The following MARCHF1 variants were observed in gnomAD, a reference collection of about 807,000 sequenced individuals.
MARCHF1 encodes membrane associated ring-CH-type finger 1.
Under a neutral mutation model 54.2 loss-of-function variants are expected in MARCHF1, and 40 were observed. That is an observed-to-expected ratio of 0.74 (90% CI 0.57 to 0.96). The LOEUF (loss-of-function observed/expected upper bound fraction) is 0.96. Among genes scored for constraint, MARCHF1 ranks in the 40% least tolerant of loss-of-function variants. MARCHF1 has a pLI of 0.00. For synonymous variants in MARCHF1, 236 were observed against 236.3 expected, an observed-to-expected ratio of 1.00 and a Z score of 0.01; for missense variants, 586 against 656.5, an observed-to-expected ratio of 0.89 and a Z score of 1.17.
intron 1 of MARCHF1, among the ~76,000 whole-genome samples, chr4:164,344,649 C>T (rs1357591168): frequency 6.6e-6 from 1 of 152,108 alleles, no homozygotes; most frequent in Non-Finnish European, 1.5e-5. Context: ...TCTAGAAAGG[C>T]AACTATCCTT....
At chr4:164,365,985 G>T (rs114231457) in intron 1 of MARCHF1, among the ~76,000 whole-genome samples, 3 of 151,652 alleles carry the variant, frequency 2.0e-5, no homozygotes, top group South Asian at 4.2e-4. Context: ...CCTCTGAAAC[G>T]CACACATTGC....
In MARCHF1 at chr4:163,859,657, G is replaced by A. The variant is rs150891415; in HGVS notation, c.-38-5488C>T. ...ATTATAGGCATAAGCCACTGTGCCCGGGCGAGAAAAGCTTTTTGAAAAGAG... is the reference window on the plus strand; with the variant it reads ...ATTATAGGCATAAGCCACTGTGCCCAGGCGAGAAAAGCTTTTTGAAAAGAG... On this transcript the variant is annotated intron_variant, in intron 3 of 9. Coordinates refer to ENST00000514618, the MANE Select transcript of MARCHF1 (RefSeq NM_001394959.1). 7.8e-3 allele frequency among the ~76,000 whole-genome samples: 1,183 copies of A among 152,104 alleles called. 15 individuals are homozygous for A. Among genetic ancestry groups the A allele is most frequent in the Non-Finnish European group, 0.012 (847 of 67,970 alleles).
At chr4:163,952,506 G>T (rs1007278047) in intron 3 of MARCHF1, among the ~76,000 whole-genome samples, 10 of 152,136 alleles carry the variant, frequency 6.6e-5, no homozygotes, top group Admixed American at 3.3e-4. Context: ...AGAGAAAATT[G>T]TGGATTGCGT....
chr4:164,204,947 C>T (rs1352717261), intron 1 of MARCHF1, among the ~76,000 whole-genome samples: 2 of 152,136 alleles, frequency 1.3e-5, no homozygotes, highest in African/African-American at 4.8e-5. Context: ...AACCTAATTT[C>T]TTTTAGTATA....
At chr4:163,911,890 A>G (rs182256679) in intron 3 of MARCHF1, among the ~76,000 whole-genome samples, 2 of 152,262 alleles carry the variant, frequency 1.3e-5, no homozygotes, top group African/African-American at 4.8e-5. Flanking sequence ...AGCCCCCAGA[A>G]CTATAAGAAA....
intron 1 of MARCHF1, among the ~76,000 whole-genome samples, chr4:164,113,572 T>C (rs544702415): frequency 6.6e-6 from 1 of 152,152 alleles, no homozygotes; most frequent in Admixed American, 6.6e-5. Context: ...CTTACATATT[T>C]GGGCATTTGG....
intron 5 of MARCHF1, among the ~76,000 whole-genome samples, chr4:163,627,690 C>A (rs1345339449): frequency 1.4e-5 from 2 of 147,152 alleles, no homozygotes; most frequent in East Asian, 4.0e-4. Flanking sequence ...GAAAAAAAAA[C>A]CCTAAAAATT....
chr4:164,228,489 C>T (rs566297266), intron 1 of MARCHF1, among the ~76,000 whole-genome samples: 1 of 152,188 alleles, frequency 6.6e-6, no homozygotes, highest in African/African-American at 2.4e-5. Flanking sequence ...CTTTGGTGTA[C>T]CATGGAGGTT....
chr4:163,539,954 G>T (rs759385293), intron 9 of MARCHF1, among the ~76,000 whole-genome samples: 7 of 152,044 alleles, frequency 4.6e-5, no homozygotes, highest in Non-Finnish European at 8.8e-5. Context: ...TAATAGAATG[G>T]GGTCCTGGTT....
chr4:163,762,982 T>C (rs1746870453), intron 4 of MARCHF1, among the ~76,000 whole-genome samples: 1 of 152,134 alleles, frequency 6.6e-6, no homozygotes, highest in Non-Finnish European at 1.5e-5. Flanking sequence ...ATACAAGTGG[T>C]GTGTTCATGT....
chr4:163,692,299 TAA>T (rs1161977093), intron 5 of MARCHF1, among the ~76,000 whole-genome samples: 1 of 152,154 alleles, frequency 6.6e-6, no homozygotes, highest in East Asian at 1.9e-4. Context: ...AAAAAATATA[TAA>T]TACTGCAGAT....
At chr4:164,229,432 G>A (rs560942387) in intron 1 of MARCHF1, among the ~76,000 whole-genome samples, 7 of 152,038 alleles carry the variant, frequency 4.6e-5, no homozygotes, top group South Asian at 4.2e-4. Context: ...GCCAATGGGG[G>A]ACTGAGGCCT....
intron 2 of MARCHF1, among the ~76,000 whole-genome samples, chr4:163,991,350 C>A (rs1311516535): frequency 6.6e-6 from 1 of 152,160 alleles, no homozygotes; most frequent in Non-Finnish European, 1.5e-5. Context: ...TTTGTACATT[C>A]TAATACTTCG....
At chr4:163,818,820 T>G (rs567711950) in intron 4 of MARCHF1, among the ~76,000 whole-genome samples, 1 of 152,136 alleles carries the variant, frequency 6.6e-6, no homozygotes, top group Non-Finnish European at 1.5e-5. Context: ...GACAGTAAAT[T>G]GCCATTGAGT....
chr4:163,689,977 G>A (rs544649056), intron 5 of MARCHF1, among the ~76,000 whole-genome samples: 155 of 152,252 alleles, frequency 1.0e-3, no homozygotes, highest in African/African-American at 3.5e-3. Flanking sequence ...TGCTCTGCCT[G>A]TCCTCACCCA....
chr4:164,067,793 A>C (rs945033422), intron 2 of MARCHF1, among the ~76,000 whole-genome samples: 1 of 152,184 alleles, frequency 6.6e-6, no homozygotes, highest in African/African-American at 2.4e-5. Context: ...AGTCTTCAAA[A>C]TGGGAGAAAA....
chr4:164,211,792 T>C (rs1473735923), intron 1 of MARCHF1, among the ~76,000 whole-genome samples: 1 of 151,994 alleles, frequency 6.6e-6, no homozygotes, highest in Non-Finnish European at 1.5e-5. Context: ...CAAGCAGAGA[T>C]GACACGTTTA....
chr4:163,872,291 A>G (rs1254144735), intron 3 of MARCHF1, among the ~76,000 whole-genome samples: 2 of 152,212 alleles, frequency 1.3e-5, no homozygotes, highest in Non-Finnish European at 2.9e-5. Context: ...CAAAGACAAC[A>G]CTTGAATAGG....
At chr4:164,070,517 A>G (rs757188369) in intron 2 of MARCHF1, among the ~76,000 whole-genome samples, 7 of 152,190 alleles carry the variant, frequency 4.6e-5, no homozygotes, top group Non-Finnish European at 1.0e-4. Flanking sequence ...TAGAGTGACT[A>G]CATATTCTGA....
Sources: allele counts gnomAD v4.1 joint callset (sites outside exome capture counted in the v4.1 genomes callset), GRCh38; gene constraint gnomAD v4.1.1; transcripts MANE v1.5; gene names NCBI Gene and HGNC (gene_info 2026-07-23, HGNC 2026-07-21).